Variants in KCNH1 observed in about 807,000 individuals in gnomAD.
The protein encoded by KCNH1 is voltage-gated delayed rectifier potassium channel KCNH1.
KCNH1 carries 27 observed loss-of-function variants against 69.2 expected under a neutral mutation model. The ratio of observed to expected loss-of-function variants is 0.39; its 90% confidence interval spans 0.29 to 0.54. The LOEUF is 0.54. KCNH1 is among the 20% of genes least tolerant of loss of function. The pLI is 0.68. For missense variants in KCNH1, 798 were observed against 1,261.6 expected, an observed-to-expected ratio of 0.63 and a Z score of 5.57; for synonymous variants, 456 against 487.7, an observed-to-expected ratio of 0.93 and a Z score of 0.86.
chr1:211,018,636 A>G, intron 6 of KCNH1, 147 bp downstream of exon 6: 1 of 688,768 alleles, frequency 1.5e-6, no homozygotes, highest in Non-Finnish European at 2.4e-6. Flanking sequence ...TGGGAACAGC[A>G]GGCAAGGGTA....
intron 7 of KCNH1, among the ~76,000 whole-genome samples, chr1:210,840,321 G>T (rs1295737751): frequency 6.6e-6 from 1 of 152,092 alleles, no homozygotes; most frequent in Non-Finnish European, 1.5e-5. Context: ...AAAACCAGCA[G>T]TTGTTCTCCT....
chr1:210,962,758 C>G (rs2134109), intron 6 of KCNH1, among the ~76,000 whole-genome samples: 94,398 of 150,986 alleles, frequency 0.63, 30,882 homozygotes, highest in African/African-American at 0.83. Flanking sequence ...AGACTCTAGG[C>G]ATGAGTCTCA....
chr1:211,114,961 T>C (rs1291365306), intron 1 of KCNH1, among the ~76,000 whole-genome samples: 2 of 150,670 alleles, frequency 1.3e-5, no homozygotes, highest in Non-Finnish European at 1.5e-5. Context: ...TTTTTGTTTG[T>C]TTGTTTTTTG....
intron 7 of KCNH1, among the ~76,000 whole-genome samples, chr1:210,826,309 A>G (rs1685031351): frequency 6.6e-6 from 1 of 151,724 alleles, no homozygotes; most frequent in African/African-American, 2.4e-5. Flanking sequence ...TACTTGCAAC[A>G]ATGGGTTTAT....
intron 7 of KCNH1, among the ~76,000 whole-genome samples, chr1:210,874,404 T>C (rs563441874): frequency 5.3e-5 from 8 of 152,350 alleles, no homozygotes; most frequent in Admixed American, 3.3e-4. Flanking sequence ...TAAGCAGGAC[T>C]TACCCTAGAA....
At chr1:210,696,705 G>T (rs943995464) in intron 10 of KCNH1, among the ~76,000 whole-genome samples, 1 of 152,130 alleles carries the variant, frequency 6.6e-6, no homozygotes, top group Non-Finnish European at 1.5e-5. Flanking sequence ...AATTTCTCTC[G>T]GTTTCCTTGG....
intron 6 of KCNH1, among the ~76,000 whole-genome samples, chr1:210,985,787 T>C (rs984551345): frequency 6.6e-6 from 1 of 152,188 alleles, no homozygotes. Context: ...GTTCTATAGA[T>C]GTCTATTAGG....
chr1:210,973,251 T>C (rs1033749932), intron 6 of KCNH1, among the ~76,000 whole-genome samples: 1 of 152,166 alleles, frequency 6.6e-6, no homozygotes, highest in African/African-American at 2.4e-5. Flanking sequence ...TTATATTTGA[T>C]GCTCAATAAT....
At chr1:210,815,224 T>C (rs1684789052) in intron 7 of KCNH1, among the ~76,000 whole-genome samples, 2 of 152,228 alleles carry the variant, frequency 1.3e-5, no homozygotes, top group South Asian at 2.1e-4. Context: ...CACTGGTTTA[T>C]GCTATACCAA....
At chr1:210,928,258 T>C (rs1381560108) in intron 6 of KCNH1, among the ~76,000 whole-genome samples, 3 of 152,088 alleles carry the variant, frequency 2.0e-5, no homozygotes, top group African/African-American at 7.2e-5. Context: ...AGAATACACA[T>C]TCAGCACACG....
chr1:210,928,458 A>G (rs1402626677), intron 6 of KCNH1, among the ~76,000 whole-genome samples: 1 of 152,180 alleles, frequency 6.6e-6, no homozygotes, highest in Non-Finnish European at 1.5e-5. Context: ...AACCTACTCC[A>G]GAATGATCAT....
intron 5 of KCNH1, among the ~76,000 whole-genome samples, chr1:211,066,694 G>A (rs1690536887): frequency 1.3e-5 from 2 of 152,158 alleles, no homozygotes; most frequent in South Asian, 4.1e-4. Flanking sequence ...TATTTCAAGA[G>A]AAGAAAGAGG....
chr1:210,839,117 C>T (rs1574287853), intron 7 of KCNH1, among the ~76,000 whole-genome samples: 1 of 152,126 alleles, frequency 6.6e-6, no homozygotes. Flanking sequence ...CGCATATGTT[C>T]ATTGCAGCAG....
intron 7 of KCNH1, among the ~76,000 whole-genome samples, chr1:210,853,748 G>A (rs143645300): frequency 6.6e-6 from 1 of 152,180 alleles, no homozygotes; most frequent in East Asian, 1.9e-4. Flanking sequence ...TGGATCCATT[G>A]TTAGTCCTGT....
At chr1:210,957,077 T>G (rs770823102) in intron 6 of KCNH1, among the ~76,000 whole-genome samples, 4 of 152,052 alleles carry the variant, frequency 2.6e-5, no homozygotes, top group African/African-American at 9.7e-5. Context: ...CTCTACACAC[T>G]GCTTTAGCTG....
intron 10 of KCNH1, among the ~76,000 whole-genome samples, chr1:210,743,033 AG>A (rs925586764): frequency 3.3e-5 from 5 of 152,208 alleles, no homozygotes; most frequent in African/African-American, 9.6e-5. Context: ...GAATCAAGGA[AG>A]GGGGCCATTT....
intron 10 of KCNH1, among the ~76,000 whole-genome samples, chr1:210,715,955 C>G (rs754850638): frequency 1.3e-5 from 2 of 152,070 alleles, no homozygotes; most frequent in African/African-American, 4.8e-5. Flanking sequence ...CCACCCTGGC[C>G]TTAGGGATAC....
intron 5 of KCNH1, among the ~76,000 whole-genome samples, chr1:211,023,814 C>T (rs1256406612): frequency 1.3e-5 from 2 of 152,152 alleles, no homozygotes; most frequent in Non-Finnish European, 2.9e-5. Context: ...AAAACATGCA[C>T]ATCTAATGTG....
At chr1:210,961,755 G>T (rs182448406) in intron 6 of KCNH1, among the ~76,000 whole-genome samples, 1 of 151,740 alleles carries the variant, frequency 6.6e-6, no homozygotes, top group East Asian at 1.9e-4. Flanking sequence ...CAGGTGAATC[G>T]CTTGAACCTG....
Sources: gnomAD v4.1 joint callset for allele counts (sites outside exome capture counted in the v4.1 genomes callset) on GRCh38, gnomAD v4.1.1 for gene constraint, MANE v1.5 for transcripts, NCBI Gene and HGNC (gene_info 2026-07-23, HGNC 2026-07-21) for gene names.